UBAC2: variants seen among roughly 807,000 people sequenced by gnomAD.
UBAC2 encodes UBA domain containing 2.
Under a neutral mutation model 44.0 loss-of-function variants are expected in UBAC2, and 26 were observed. That is an observed-to-expected ratio of 0.59 (90% CI 0.43 to 0.82). The LOEUF is 0.82. Among genes scored for constraint, UBAC2 ranks in the 40% least tolerant of loss-of-function variants. UBAC2 has a pLI of 0.00. For synonymous variants in UBAC2, 155 were observed against 154.3 expected, an observed-to-expected ratio of 1.00 and a Z score of -0.04; for missense variants, 329 against 419.4, an observed-to-expected ratio of 0.78 and a Z score of 1.88.
chr13:99,273,863 CTT>C (rs199875385), intron 4 of UBAC2, among the ~76,000 whole-genome samples: 1 of 137,960 alleles, frequency 7.2e-6, no homozygotes. Context: ...CAGTTTTCAT[CTT>C]TTTTTTTTTT....
At chr13:99,367,999 G>A in intron 8 of UBAC2, 93 bp downstream of exon 8, 2 of 1,430,690 alleles carry the variant, frequency 1.4e-6, no homozygotes, top group Non-Finnish European at 1.9e-6. Context: ...AATCAAGCGT[G>A]TAAATACAAA....
chr13:99,201,213 G>T, intron 1 of UBAC2: 1 of 1,421,854 alleles, frequency 7.0e-7, no homozygotes, highest in African/African-American at 1.4e-5. Flanking sequence ...TCTTGGGGCC[G>T]CTGCAAGTGG....
intron 1 of UBAC2, among the ~76,000 whole-genome samples, chr13:99,219,996 A>G (rs1014448979): frequency 6.6e-6 from 1 of 152,110 alleles, no homozygotes; most frequent in African/African-American, 2.4e-5. Context: ...TGTTATGATA[A>G]TGCTACTATG....
chr13:99,262,915 T>A (rs905780489), intron 4 of UBAC2, among the ~76,000 whole-genome samples: 4 of 152,144 alleles, frequency 2.6e-5, no homozygotes, highest in Non-Finnish European at 2.9e-5. Context: ...TAGGATTTTT[T>A]ATTATATCTG....
At chr13:99,257,993 G>C (rs778122070) in intron 4 of UBAC2, among the ~76,000 whole-genome samples, 2 of 152,150 alleles carry the variant, frequency 1.3e-5, no homozygotes, top group Non-Finnish European at 2.9e-5. Context: ...TGGTGCTCCT[G>C]GGCACAACTG....
At chr13:99,369,183 G>A (rs187973271) in intron 8 of UBAC2, among the ~76,000 whole-genome samples, 2 of 152,208 alleles carry the variant, frequency 1.3e-5, no homozygotes, top group East Asian at 1.9e-4. Context: ...TGCAAGCATC[G>A]TAATAAAAAT....
chr13:99,262,710 CAAAAAAAAAAAAAAAAAAAAA>C (rs61627160), intron 4 of UBAC2, among the ~76,000 whole-genome samples: 8 of 57,160 alleles, frequency 1.4e-4, no homozygotes, highest in Non-Finnish European at 2.5e-4. Flanking sequence ...AACTCCCTCT[CAAAAAAAAAAAAAAAAAAAAA>C]AAAAAAAAAG....
chr13:99,330,467 A>AAAAAAAAG (rs1311185446), intron 6 of UBAC2, among the ~76,000 whole-genome samples: 1 of 148,564 alleles, frequency 6.7e-6, no homozygotes, highest in Non-Finnish European at 1.5e-5. Flanking sequence ...TCAAAAAAAA[A>AAAAAAAAG]AAAAAAAAAG....
chr13:99,368,374 A>G (rs2045359536), intron 8 of UBAC2, among the ~76,000 whole-genome samples: 1 of 152,262 alleles, frequency 6.6e-6, no homozygotes, highest in African/African-American at 2.4e-5. Context: ...TGCATTTCAA[A>G]TGAATAACAT....
chr13:99,303,475 T>C (rs559059781), intron 4 of UBAC2, among the ~76,000 whole-genome samples: 7 of 152,330 alleles, frequency 4.6e-5, no homozygotes, highest in Non-Finnish European at 1.0e-4. Flanking sequence ...GGCTTTTATA[T>C]TGAAAAGTAT....
At chr13:99,310,186 G>T (rs1459478003) in intron 4 of UBAC2, among the ~76,000 whole-genome samples, 1 of 152,146 alleles carries the variant, frequency 6.6e-6, no homozygotes, top group East Asian at 1.9e-4. Flanking sequence ...AATTAGCCAG[G>T]TGTGGTGGCA....
intron 4 of UBAC2, chr13:99,296,184 A>G (rs200432720): frequency 1.3e-6 from 2 of 1,525,508 alleles, no homozygotes; most frequent in Non-Finnish European, 1.8e-6. Context: ...ACCAAGAAGG[A>G]TCATATAAGT....
rs73570137 is a variant in UBAC2, at chr13:99,363,077, G to A, written c.808-4710G>A. On this transcript the variant is annotated intron_variant, in intron 7 of 8. Transcript: ENST00000403766. ...ATTTTTGTGGGTGGTGTGAAGTAAGGGCCTAGTTTTATCTTTTCCCTATCT... is the reference window on the plus strand; with the variant it reads ...ATTTTTGTGGGTGGTGTGAAGTAAGAGCCTAGTTTTATCTTTTCCCTATCT... Among the ~76,000 whole-genome samples the A allele has an allele frequency of 1.0e-2, 1,515 of 152,158 alleles. 26 individuals carry two copies. The highest frequency in any genetic ancestry group is 0.035 in the African/African-American group (1,470 of 41,500).
intron 7 of UBAC2, among the ~76,000 whole-genome samples, chr13:99,365,295 C>T (rs746354702): frequency 3.2e-4 from 48 of 152,022 alleles, no homozygotes; most frequent in Non-Finnish European, 6.0e-4. Flanking sequence ...CTTTGTTTTC[C>T]GTTTTACTGA....
intron 4 of UBAC2, among the ~76,000 whole-genome samples, chr13:99,270,857 C>T (rs1163534977): frequency 6.6e-6 from 1 of 152,194 alleles, no homozygotes; most frequent in Non-Finnish European, 1.5e-5. Context: ...AAGAGAATAG[C>T]TTGACACTTC....
At chr13:99,288,946 GTC>G (rs1255369333) in intron 4 of UBAC2, among the ~76,000 whole-genome samples, 1 of 152,224 alleles carries the variant, frequency 6.6e-6, no homozygotes, top group East Asian at 1.9e-4. Context: ...AAAAGCTAGT[GTC>G]TCTTCCCCAA....
chr13:99,271,607 C>CT (rs1295116753), intron 4 of UBAC2, among the ~76,000 whole-genome samples: 1 of 152,082 alleles, frequency 6.6e-6, no homozygotes, highest in Non-Finnish European at 1.5e-5. Flanking sequence ...GTTTCCCATT[C>CT]TTTTTTAAAA....
intron 4 of UBAC2, among the ~76,000 whole-genome samples, chr13:99,246,909 A>G (rs1252810795): frequency 1.3e-5 from 2 of 152,204 alleles, no homozygotes. Context: ...ACTTTTTTAA[A>G]TCTTCAGGCT....
chr13:99,254,908 G>C (rs202049006), intron 4 of UBAC2: 1 of 1,613,748 alleles, frequency 6.2e-7, no homozygotes, highest in Non-Finnish European at 8.5e-7. Context: ...ATTGCTTAGT[G>C]ACCGTAGACT....
Sources: gnomAD v4.1 joint callset for allele counts (sites outside exome capture counted in the v4.1 genomes callset) on GRCh38, gnomAD v4.1.1 for gene constraint, MANE v1.5 for transcripts, NCBI Gene and HGNC (gene_info 2026-07-23, HGNC 2026-07-21) for gene names.